The following DLG2 variants were observed in gnomAD, a reference collection of about 807,000 sequenced individuals.
DLG2 encodes disks large homolog 2.
Under a neutral mutation model 132.5 loss-of-function variants are expected in DLG2, and 45 were observed. That is an observed-to-expected ratio of 0.34 (90% CI 0.27 to 0.44). The LOEUF is 0.44. Among genes scored for constraint, DLG2 ranks in the 20% least tolerant of loss-of-function variants. The pLI, the probability that DLG2 is intolerant of heterozygous loss-of-function variation, is 1.00. For synonymous variants in DLG2, 424 were observed against 419.6 expected (o/e 1.01, Z -0.13); for missense variants, 1,045 against 1,196.9 (o/e 0.87, Z 1.87).
rs375008654 is a variant in DLG2, at chr11:85,067,825, A to G, written c.357+43836T>C. On this transcript the variant is annotated intron_variant, in intron 6 of 27. Coordinates refer to ENST00000376104, the MANE Select transcript of DLG2 (RefSeq NM_001142699.3). ...ATGAGGCCAGCATCATCCTGATACC[A>G]AAGCCTGGGAGAGACACAACAAAAA... Among the ~76,000 whole-genome samples the G allele has an allele frequency of 1.6e-4, 24 of 152,206 alleles. No individual in the cohort carries two copies. The East Asian group carries it at 3.1e-3, about 20-fold the overall frequency.
intron 6 of DLG2, among the ~76,000 whole-genome samples, chr11:84,817,332 T>G (rs1158981336): frequency 6.6e-6 from 1 of 151,750 alleles, no homozygotes; most frequent in Non-Finnish European, 1.5e-5. Flanking sequence ...TGATGCGGAG[T>G]CAAAGCTGTC....
intron 6 of DLG2, among the ~76,000 whole-genome samples, chr11:84,633,628 G>A (rs982032867): frequency 6.7e-6 from 1 of 148,636 alleles, no homozygotes; most frequent in Non-Finnish European, 1.5e-5. Context: ...AAAAAAAAAA[G>A]TTCCTTGAAG....
chr11:85,473,094 G>T (rs1437518713), intron 3 of DLG2, among the ~76,000 whole-genome samples: 1 of 152,214 alleles, frequency 6.6e-6, no homozygotes, highest in Admixed American at 6.5e-5. Flanking sequence ...AGTACGTCTG[G>T]TCTAGCTGCA....
intron 19 of DLG2, among the ~76,000 whole-genome samples, chr11:83,578,627 T>TA (rs372222065): frequency 1.1e-4 from 16 of 152,102 alleles, no homozygotes; most frequent in African/African-American, 3.9e-4. Flanking sequence ...CATTAATATA[T>TA]AAAAAAAGCA....
At chr11:85,073,142 T>C (rs1398916453) in intron 6 of DLG2, among the ~76,000 whole-genome samples, 1 of 151,894 alleles carries the variant, frequency 6.6e-6, no homozygotes, top group Non-Finnish European at 1.5e-5. Context: ...TTTGCCATAT[T>C]AACATAGCAC....
chr11:85,266,909 A>T (rs2077247549), intron 4 of DLG2, among the ~76,000 whole-genome samples: 1 of 152,220 alleles, frequency 6.6e-6, no homozygotes, highest in Non-Finnish European at 1.5e-5. Flanking sequence ...AGTTATAGAG[A>T]GTATAAACTT....
chr11:83,487,681 T>G (rs544677027), intron 21 of DLG2, among the ~76,000 whole-genome samples: 1 of 152,198 alleles, frequency 6.6e-6, no homozygotes, highest in Non-Finnish European at 1.5e-5. Context: ...TTGAAGATTA[T>G]TTATTTAAAT....
intron 8 of DLG2, among the ~76,000 whole-genome samples, chr11:84,198,326 A>T (rs1233971460): frequency 6.6e-6 from 1 of 152,170 alleles, no homozygotes; most frequent in Non-Finnish European, 1.5e-5. Context: ...TAGGAGTAAC[A>T]AAGTTAGAGC....
intron 18 of DLG2, among the ~76,000 whole-genome samples, chr11:83,633,775 CACACACAA>C (rs1284935475): frequency 2.0e-5 from 3 of 147,122 alleles, no homozygotes; most frequent in South Asian, 4.2e-4. Flanking sequence ...CACACACACA[CACACACAA>C]CTGCGGAAAA....
At chr11:83,653,304 T>C (rs1181244316) in intron 18 of DLG2, among the ~76,000 whole-genome samples, 1 of 152,204 alleles carries the variant, frequency 6.6e-6, no homozygotes, top group Non-Finnish European at 1.5e-5. Flanking sequence ...CTGTTATTTA[T>C]TTTCTCCTCC....
intron 11 of DLG2, among the ~76,000 whole-genome samples, chr11:84,039,221 T>G (rs1318745382): frequency 1.3e-5 from 2 of 151,958 alleles, no homozygotes; most frequent in South Asian, 2.1e-4. Flanking sequence ...CTAGTTAATT[T>G]TTTTTTTATT....
chr11:85,292,786 T>A (rs1302811743), intron 3 of DLG2, among the ~76,000 whole-genome samples: 1 of 79,252 alleles, frequency 1.3e-5, no homozygotes, highest in Non-Finnish European at 2.5e-5. Context: ...GGAGTGGGGG[T>A]GGGGCAGAGA....
intron 3 of DLG2, chr11:85,286,106 T>C (rs186516332): frequency 4.2e-5 from 19 of 452,480 alleles, no homozygotes; most frequent in Non-Finnish European, 7.9e-5. Context: ...TTAAGTAACT[T>C]TGAAAATGAA....
intron 4 of DLG2, among the ~76,000 whole-genome samples, chr11:85,254,608 T>C (rs2076570031): frequency 6.6e-6 from 1 of 152,120 alleles, no homozygotes; most frequent in African/African-American, 2.4e-5. Flanking sequence ...GGTTAGAAAA[T>C]ATTTAACTCT....
At chr11:84,444,330 C>G (rs1780945408) in intron 7 of DLG2, among the ~76,000 whole-genome samples, 1 of 152,008 alleles carries the variant, frequency 6.6e-6, no homozygotes, top group South Asian at 2.1e-4. Flanking sequence ...CTCATGTTTC[C>G]CTATGTAACA....
rs182407991 is a variant in DLG2, at chr11:85,547,836, A to G, written c.40+50821T>C. Among the ~76,000 whole-genome samples, 782 of 152,110 alleles carry G rather than the reference A, an allele frequency of 5.1e-3. 2 individuals carry two copies. The highest frequency in any genetic ancestry group is 8.5e-3 in the Non-Finnish European group (580 of 67,978). On this transcript the variant is annotated intron_variant, in intron 3 of 27. Transcript: ENST00000376104. ...TCCTGCTGTGTTTTTCAGCTCCATC[A>G]GGTCATTTATATTCTTCTCTAAACT... is the stretch of plus-strand genomic sequence containing the variant.
chr11:84,012,299 A>G (rs936132154), intron 11 of DLG2, among the ~76,000 whole-genome samples: 1 of 152,112 alleles, frequency 6.6e-6, no homozygotes, highest in African/African-American at 2.4e-5. Context: ...ACTATTTGTA[A>G]GACAGAAGAA....
intron 6 of DLG2, among the ~76,000 whole-genome samples, chr11:85,105,957 C>A (rs1206937733): frequency 1.4e-5 from 2 of 145,958 alleles, no homozygotes. Flanking sequence ...ACAATGCATT[C>A]TGGGAAAAAA....
intron 2 of DLG2, among the ~76,000 whole-genome samples, chr11:85,611,881 C>A (rs891377659): frequency 6.6e-6 from 1 of 151,734 alleles, no homozygotes; most frequent in African/African-American, 2.4e-5. Flanking sequence ...GAGGGGAGAA[C>A]AGCAGCATAA....
Sources: gnomAD v4.1 joint callset for allele counts (sites outside exome capture counted in the v4.1 genomes callset) on GRCh38, gnomAD v4.1.1 for gene constraint, MANE v1.5 for transcripts, NCBI Gene and HGNC (gene_info 2026-07-23, HGNC 2026-07-21) for gene names.